The following SLC39A8 variants were observed in gnomAD, a reference collection of about 807,000 sequenced individuals.
SLC39A8 encodes solute carrier family 39 member 8, also known as metal cation symporter ZIP8.
SLC39A8 carries 15 observed loss-of-function variants against 40.4 expected under a neutral mutation model. That is an observed-to-expected ratio of 0.37 (90% CI 0.25 to 0.57). The LOEUF (loss-of-function observed/expected upper bound fraction) is 0.57, where lower values mean the gene tolerates loss of function less well. SLC39A8 is among the 20% of genes least tolerant of loss of function. The probability of loss-of-function intolerance (pLI) is 0.75; values close to 1 mark genes in which losing one functional copy is unlikely to be tolerated. For synonymous variants in SLC39A8, 223 were observed against 221.6 expected (o/e 1.01, Z -0.06); for missense variants, 472 against 558.8 (o/e 0.84, Z 1.57).
chr4:102,262,246 AAC>A lies in SLC39A8; in HGVS notation c.*796_*797del. 2.0e-6 allele frequency: 2 copies of A among 985,962 alleles called. No individual in the cohort carries two copies. Among genetic ancestry groups the A allele is most frequent in the Non-Finnish European group, 1.2e-6 (1 of 829,932 alleles). 61.1% of individuals were successfully genotyped at this position (985,962 alleles called of 1,614,324 possible). Reference sequence around the variant, plus strand: ...ACATATTCTTCACCTTCACAAAGCAAACACATGGTGCACTGAAACCGAGGTGT... The same window carrying A: ...ACATATTCTTCACCTTCACAAAGCAAACATGGTGCACTGAAACCGAGGTGT... On this transcript the variant is annotated 3_prime_UTR_variant, in exon 9 of 9. Transcript: ENST00000356736.
intron 11 of SLC39A8, among the ~76,000 whole-genome samples, chr4:102,254,642 A>G (rs1463736409): frequency 6.6e-6 from 1 of 152,214 alleles, no homozygotes; most frequent in Non-Finnish European, 1.5e-5. Context: ...AGGAAACTGC[A>G]TTTTTCTGTG....
intron 3 of SLC39A8, among the ~76,000 whole-genome samples, chr4:102,313,552 T>G (rs1030296186): frequency 3.3e-5 from 5 of 152,102 alleles, no homozygotes; most frequent in Non-Finnish European, 5.9e-5. Flanking sequence ...TCTTTATCTA[T>G]CTATACTCCT....
Position 102,344,586 on chromosome 4 carries a change from C to T in SLC39A8, c.77G>A (p.Gly26Glu), listed in dbSNP as rs763880834. Reference sequence around the variant, plus strand: ...CAGCACATCCTCGCTGAAGGCTAGCCCTGGCCCCTCCGCCACTCCTCCGAG... The same window carrying T: ...CAGCACATCCTCGCTGAAGGCTAGCTCTGGCCCCTCCGCCACTCCTCCGAG... ...AGLGGVAEGP[G>E]LAFSEDVLSV... is the part of the protein sequence containing the mutation. Residue 26 changes from glycine to glutamate, a missense_variant, in exon 2 of 9, where the codon GGG becomes GAG. This residue lies in a region of SLC39A8 where 175 missense variants were observed against 160.5 expected (regional missense o/e 1.09). Coordinates refer to ENST00000356736, the MANE Select transcript of SLC39A8 (RefSeq NM_001135146.2). 1.9e-6 allele frequency: 3 copies of T among 1,546,358 alleles called. No homozygotes were observed. The highest frequency in any genetic ancestry group is 2.0e-5 in the Admixed American group (1 of 50,660).
rs191541667 is a variant in SLC39A8 at position 102,284,346 on chromosome 4, A to G, written c.841-16267T>C. Among the ~76,000 whole-genome samples the G allele has an allele frequency of 2.0e-3, 303 of 152,288 alleles. 3 individuals carry two copies. The highest frequency in any genetic ancestry group is 0.017 in the Admixed American group (264 of 15,292). On this transcript the variant is annotated intron_variant, in intron 6 of 8. Coordinates refer to ENST00000356736, the MANE Select transcript of SLC39A8 (RefSeq NM_001135146.2). ...TCCTACTTATAAGTGCCTGCATGGC[A>G]TTTGTAACTCTATGATGTTGGGCTG... is the stretch of plus-strand genomic sequence containing the variant.
chr4:102,336,107 G>T (rs1735660841), intron 2 of SLC39A8, among the ~76,000 whole-genome samples: 1 of 152,030 alleles, frequency 6.6e-6, no homozygotes, highest in Admixed American at 6.6e-5. Flanking sequence ...AAGCAATATA[G>T]GTAATGGAAA....
chr4:102,274,525 A>G (rs953554440), intron 6 of SLC39A8, among the ~76,000 whole-genome samples: 1 of 152,192 alleles, frequency 6.6e-6, no homozygotes, highest in Non-Finnish European at 1.5e-5. Flanking sequence ...TGGAAAACAC[A>G]CTTCAGGATA....
intron 2 of SLC39A8, among the ~76,000 whole-genome samples, chr4:102,319,088 A>G (rs772828906): frequency 1.3e-5 from 2 of 152,234 alleles, no homozygotes; most frequent in Non-Finnish European, 2.9e-5. Flanking sequence ...GGGGCTAGGT[A>G]TATATTACAA....
intron 6 of SLC39A8, among the ~76,000 whole-genome samples, chr4:102,300,034 C>A (rs1553914686): frequency 6.6e-6 from 1 of 152,006 alleles, no homozygotes; most frequent in Non-Finnish European, 1.5e-5. Context: ...TACCTAGTAA[C>A]AATAACTGAA....
intron 3 of SLC39A8, among the ~76,000 whole-genome samples, chr4:102,308,991 T>G (rs891413797): frequency 6.6e-6 from 1 of 152,112 alleles, no homozygotes; most frequent in Non-Finnish European, 1.5e-5. Context: ...CAGGCCCACA[T>G]TTTTTAGCAT....
At chr4:102,308,028 T>G (rs1734267756) in intron 3 of SLC39A8, among the ~76,000 whole-genome samples, 2 of 146,288 alleles carry the variant, frequency 1.4e-5, no homozygotes, top group Non-Finnish European at 1.5e-5. Flanking sequence ...AGGTATGGGG[T>G]GATGGGTGGG....
chr4:102,293,063 T>A (rs539877879), intron 6 of SLC39A8, among the ~76,000 whole-genome samples: 1 of 152,126 alleles, frequency 6.6e-6, no homozygotes, highest in East Asian at 1.9e-4. Flanking sequence ...CAATGTATAA[T>A]TCAAAAATGA....
chr4:102,293,594 T>C (rs1388703048), intron 6 of SLC39A8, among the ~76,000 whole-genome samples: 1 of 151,756 alleles, frequency 6.6e-6, no homozygotes, highest in Non-Finnish European at 1.5e-5. Flanking sequence ...TAGAAAACAG[T>C]AGGAAAAAAG....
exon 12 of SLC39A8, chr4:102,252,265 A>C (rs1034860646): frequency 5.3e-5 from 8 of 152,360 alleles, no homozygotes; most frequent in African/African-American, 1.9e-4. Context: ...TTTTCTCATA[A>C]AATGTGGCCA....
chr4:102,279,150 A>AT (rs1311267551), intron 6 of SLC39A8, among the ~76,000 whole-genome samples: 1 of 124,406 alleles, frequency 8.0e-6, no homozygotes, highest in Non-Finnish European at 1.8e-5. Context: ...TATAATAATA[A>AT]AAAAAAAAAG....
intron 6 of SLC39A8, among the ~76,000 whole-genome samples, chr4:102,292,846 A>G (rs895559505): frequency 2.0e-5 from 3 of 152,090 alleles, no homozygotes; most frequent in African/African-American, 7.2e-5. Context: ...CTTAGTCATA[A>G]CTTTAAAAAT....
chr4:102,256,187 AT>A (rs1202452111), intron 11 of SLC39A8, among the ~76,000 whole-genome samples: 1 of 152,236 alleles, frequency 6.6e-6, no homozygotes, highest in Non-Finnish European at 1.5e-5. Context: ...ATTTATAAGC[AT>A]TGCTGTGAAT....
At chr4:102,267,410 C>A (rs1442086676) in intron 8 of SLC39A8, 80 bp downstream of exon 8, 5 of 1,334,088 alleles carry the variant, frequency 3.7e-6, no homozygotes, top group Non-Finnish European at 4.0e-6. Flanking sequence ...AAGCAGAAGG[C>A]CACCCTTAGT....
chr4:102,322,890 G>T (rs927467063), intron 2 of SLC39A8, among the ~76,000 whole-genome samples: 2 of 152,084 alleles, frequency 1.3e-5, no homozygotes, highest in African/African-American at 4.8e-5. Flanking sequence ...AGCCCCAGAG[G>T]GAGCAAGCAG....
At chr4:102,326,493 A>G (rs747708302) in intron 2 of SLC39A8, among the ~76,000 whole-genome samples, 19 of 152,198 alleles carry the variant, frequency 1.2e-4, no homozygotes, top group Non-Finnish European at 1.9e-4. Context: ...CCCAGGAGGC[A>G]GAGCTTGCAG....
Sources: allele counts gnomAD v4.1 joint callset (sites outside exome capture counted in the v4.1 genomes callset), GRCh38; gene constraint gnomAD v4.1.1; regional missense constraint gnomAD v4.1.1; transcripts MANE v1.5; gene names NCBI Gene and HGNC (gene_info 2026-07-23, HGNC 2026-07-21).